The following PLCXD3 variants were observed in gnomAD, a reference collection of about 807,000 sequenced individuals.
The protein encoded by PLCXD3 is PI-PLC X domain-containing protein 3.
PLCXD3 carries 19 observed loss-of-function variants against 25.5 expected under a neutral mutation model. The ratio of observed to expected loss-of-function variants is 0.75; its 90% confidence interval spans 0.52 to 1.09. The LOEUF is 1.09. Among genes scored for constraint, PLCXD3 ranks in the 50% least tolerant of loss-of-function variants. The pLI, the probability that PLCXD3 is intolerant of heterozygous loss-of-function variation, is 0.00. For synonymous variants in PLCXD3, 174 were observed against 137.6 expected (o/e 1.26, Z -1.85); for missense variants, 411 against 388.1 (o/e 1.06, Z -0.50).
chr5:41,399,853 T>A (rs6888079), intron 1 of PLCXD3, among the ~76,000 whole-genome samples: 2,120 of 152,084 alleles, frequency 0.014, 62 homozygotes, highest in African/African-American at 0.048. Context: ...TGGGATCGCA[T>A]CAAATTAAAA....
intron 1 of PLCXD3, among the ~76,000 whole-genome samples, chr5:41,456,896 T>C (rs1747766268): frequency 6.6e-6 from 1 of 151,898 alleles, no homozygotes; most frequent in South Asian, 2.1e-4. Flanking sequence ...TAAAAGCCAC[T>C]CAGTTTATTG....
At chr5:41,484,099 C>T (rs2150523576) in intron 1 of PLCXD3, among the ~76,000 whole-genome samples, 1 of 152,064 alleles carries the variant, frequency 6.6e-6, no homozygotes, top group South Asian at 2.1e-4. Flanking sequence ...CAGTTATGAC[C>T]CCAAAAATCT....
At position 41,382,454 on chromosome 5, in the gene PLCXD3, C is replaced by T. The variant is rs773644495; in HGVS notation, c.184G>A (p.Val62Ile). 14 of 1,612,988 alleles carry T rather than the reference C, an allele frequency of 8.7e-6. No individual in the cohort carries two copies. In the Middle Eastern group the frequency reaches 5.0e-4, roughly 57 times the overall value. The change falls in exon 2 of 3, where the codon GTC becomes ATC. Residue 62 changes from valine (V) to isoleucine (I), a missense_variant. By Grantham distance (29) the Val-to-Ile change is conservative. Coordinates refer to ENST00000377801, the MANE Select transcript of PLCXD3 (RefSeq NM_001005473.3). The part of the protein sequence containing the change: ...PEQPETVQNF[V>I]SVFGTVAKKL... ...TTGGCCACAGTTCCAAACACAGAGA[C>T]AAAATTCTGGACAGTTTCTGGCTGC...
rs1743149322 is a variant in PLCXD3, at chr5:41,312,147, A to G, written c.*1470T>C. On this transcript the variant is annotated 3_prime_UTR_variant, in exon 3 of 3. Transcript: ENST00000377801. ...AATATCACAATGACACGAAGGAGGAAGTAACGCTCAAGCTGTGTCATTGTT... is the reference window on the plus strand; with the variant it reads ...AATATCACAATGACACGAAGGAGGAGGTAACGCTCAAGCTGTGTCATTGTT... 1 of 152,424 alleles carries G rather than the reference A, an allele frequency of 6.6e-6. No individual in the cohort carries two copies. Among genetic ancestry groups the G allele is most frequent in the Non-Finnish European group, 1.5e-5 (1 of 67,992 alleles). 9.4% of individuals were successfully genotyped at this position (152,424 alleles called of 1,614,324 possible).
chr5:41,347,771 G>A lies in PLCXD3; in HGVS notation c.813-34001C>T, dbSNP rs554335436. On this transcript the variant is annotated intron_variant, in intron 2 of 2. Transcript: ENST00000377801. ...TCTTAACACCAGATCAACTGGAGGC[G>A]CTATTATTCAAAGAATCACCAAAGA... is the stretch of plus-strand genomic sequence containing the variant. 2.2e-3 allele frequency among the ~76,000 whole-genome samples: 330 copies of A among 152,278 alleles called. 1 individual carries two copies. Among genetic ancestry groups the A allele is most frequent in the African/African-American group, 7.6e-3 (315 of 41,556 alleles).
chr5:41,403,424 TCTAA>T (rs2150500587), intron 1 of PLCXD3, among the ~76,000 whole-genome samples: 2 of 30,204 alleles, frequency 6.6e-5, no homozygotes, highest in Non-Finnish European at 7.0e-5. Flanking sequence ...TTTATTATAC[TCTAA>T]GTTTTAGGGT....
chr5:41,316,123 G>C (rs900027620), intron 2 of PLCXD3, among the ~76,000 whole-genome samples: 4 of 152,144 alleles, frequency 2.6e-5, no homozygotes, highest in Admixed American at 2.6e-4. Flanking sequence ...GGGAGAAGAG[G>C]GGGAAGAATG....
At chr5:41,418,880 C>T (rs1746753037) in intron 1 of PLCXD3, among the ~76,000 whole-genome samples, 1 of 152,120 alleles carries the variant, frequency 6.6e-6, no homozygotes, top group Non-Finnish European at 1.5e-5. Context: ...TCTGTTCCAC[C>T]TCAGAAGGTT....
rs568306332 is a variant in PLCXD3 at position 41,382,372 on chromosome 5, C to T, written c.266G>A (p.Gly89Glu). Residue 89 changes from glycine (G) to glutamate (E), a missense_variant, in exon 2 of 3, where the codon GGA (glycine) becomes GAA (glutamate). Physicochemically the swap from Gly to Glu is moderately conservative, Grantham distance 98 (BLOSUM62 -2). Coordinates refer to ENST00000377801, the MANE Select transcript of PLCXD3 (RefSeq NM_001005473.3). ...TQTMNFTGQLGAGIRYFDLRI... is the reference protein window; with the variant it reads ...TQTMNFTGQLEAGIRYFDLRI... ...AAGATCAAAATAACGAATTCCAGCT[C>T]CTAGCTGGCCAGTAAAATTCATTGT... 2 of 1,613,446 alleles carry T rather than the reference C, an allele frequency of 1.2e-6. No homozygotes were observed. The highest frequency in any genetic ancestry group is 1.3e-5 in the African/African-American group (1 of 74,988).
intron 1 of PLCXD3, among the ~76,000 whole-genome samples, chr5:41,458,623 G>C (rs978605082): frequency 2.6e-5 from 4 of 151,960 alleles, no homozygotes; most frequent in Non-Finnish European, 5.9e-5. Context: ...TGAGTGGCCA[G>C]GGCAAAGGGT....
chr5:41,376,744 A>G (rs1250745028), intron 2 of PLCXD3, among the ~76,000 whole-genome samples: 1 of 152,046 alleles, frequency 6.6e-6, no homozygotes, highest in Non-Finnish European at 1.5e-5. Context: ...TCCAATTTGT[A>G]TTTAGGTATT....
At chr5:41,447,023 T>G (rs1432774182) in intron 1 of PLCXD3, among the ~76,000 whole-genome samples, 1 of 152,212 alleles carries the variant, frequency 6.6e-6, no homozygotes, top group Non-Finnish European at 1.5e-5. Context: ...CCACCTACAT[T>G]CCACCCATGC....
At chr5:41,410,477 C>T (rs921946) in intron 1 of PLCXD3, among the ~76,000 whole-genome samples, 77,304 of 149,990 alleles carry the variant, frequency 0.52, 21,828 homozygotes, top group South Asian at 0.71. Flanking sequence ...TTCCCTGGAC[C>T]GTGAATTTCC....
Position 41,367,527 on chromosome 5 carries a change from A to T in PLCXD3, c.812+14299T>A, listed in dbSNP as rs190153831. On this transcript the variant is annotated intron_variant, in intron 2 of 2. Coordinates refer to ENST00000377801, the MANE Select transcript of PLCXD3 (RefSeq NM_001005473.3). ...GTAAATTTGTTTAAGTTCCTTGTAG[A>T]TACTGGATATTAGACCTTTGTCAGA... Among the ~76,000 whole-genome samples the T allele has an allele frequency of 2.2e-3, 340 of 152,170 alleles. 2 individuals carry two copies. The highest frequency in any genetic ancestry group is 0.017 in the South Asian group (83 of 4,820).
chr5:41,357,683 C>T (rs1041610158), intron 2 of PLCXD3, among the ~76,000 whole-genome samples: 3 of 152,136 alleles, frequency 2.0e-5, no homozygotes, highest in Non-Finnish European at 4.4e-5. Context: ...ATTGTAATGT[C>T]TCACTGATAA....
intron 1 of PLCXD3, 91 bp downstream of exon 1, chr5:41,510,333 C>T: frequency 8.9e-7 from 1 of 1,129,590 alleles, no homozygotes; most frequent in South Asian, 1.4e-5. Flanking sequence ...CCGCGGGCAT[C>T]GTGGCAAGTT....
chr5:41,351,549 G>A (rs1270302530), intron 2 of PLCXD3, among the ~76,000 whole-genome samples: 4 of 152,100 alleles, frequency 2.6e-5, no homozygotes, highest in African/African-American at 9.7e-5. Context: ...GAAAAAAACC[G>A]CTGAACTGAA....
chr5:41,444,536 T>C (rs1747452539), intron 1 of PLCXD3, among the ~76,000 whole-genome samples: 1 of 152,162 alleles, frequency 6.6e-6, no homozygotes, highest in Non-Finnish European at 1.5e-5. Context: ...ATCCCAATTC[T>C]TATTTTGTCC....
intron 1 of PLCXD3, among the ~76,000 whole-genome samples, chr5:41,414,647 A>G (rs943558326): frequency 6.6e-6 from 1 of 152,352 alleles, no homozygotes; most frequent in South Asian, 2.1e-4. Flanking sequence ...GCCTTCCGCA[A>G]TTTCAGTTAC....
Sources: allele counts gnomAD v4.1 joint callset (sites outside exome capture counted in the v4.1 genomes callset), GRCh38; gene constraint gnomAD v4.1.1; transcripts MANE v1.5; gene names NCBI Gene and HGNC (gene_info 2026-07-23, HGNC 2026-07-21).